OR2A42: variants seen among roughly 807,000 people sequenced by gnomAD.
The protein encoded by OR2A42 is olfactory receptor family 2 subfamily A member 42, also known as olfactory receptor 2A1/2A42.
For synonymous variants in OR2A42, 5 were observed against 46.4 expected (o/e 0.11, Z 3.63); for missense variants, 3 against 104.1 (o/e 0.03, Z 4.23).
intron 2 of OR2A42, among the ~76,000 whole-genome samples, chr7:144,237,477 T>C (rs111589800): frequency 6.7e-6 from 1 of 148,492 alleles, no homozygotes. Flanking sequence ...GTAGTGTCTT[T>C]CAAGTATACC....
At position 144,228,250 on chromosome 7, in the gene OR2A42, G is replaced by C. The variant is rs1242074292; in HGVS notation, c.*3661C>G. On this transcript the variant is annotated 3_prime_UTR_variant, in exon 3 of 3. Transcript: ENST00000641810. ...CCACTCATTTGTTCATTTAGTCAAA[G>C]TTTATTGAGTGTCTACTATGAACAG... is the stretch of plus-strand genomic sequence containing the variant. The C allele has an allele frequency of 7.3e-6, 1 of 137,122 alleles. No individual in the cohort carries two copies. The highest frequency in any genetic ancestry group is 1.6e-5 in the Non-Finnish European group (1 of 62,914). 8.5% of individuals were successfully genotyped at this position (137,122 alleles called of 1,614,324 possible). A position where few individuals can be genotyped will look rare whatever the true frequency, so the allele number is the denominator to read the frequency against.
rs1474222655 is a variant in OR2A42, at chr7:144,238,671, T to A, written c.-244A>T. 6.6e-6 allele frequency: 1 copy of A among 151,002 alleles called. No homozygotes were observed. The highest frequency in any genetic ancestry group is 1.5e-5 in the Non-Finnish European group (1 of 67,482). The allele number at this position is 151,002 out of a possible 1,614,324, so 9.4% of individuals were successfully genotyped here. A position where few individuals can be genotyped will look rare whatever the true frequency, so the allele number is the denominator to read the frequency against. The stretch of plus-strand genomic sequence containing the variant: ...CAGAAAAGGAGGTGTTATTCTCTGA[T>A]GTGCTCAGCCTGGTTGACAGCTGAG... On this transcript the variant is annotated 5_prime_UTR_variant, in exon 2 of 3. Coordinates refer to ENST00000641810, the MANE Select transcript of OR2A42 (RefSeq NM_001001802.3).
Position 144,230,145 on chromosome 7 carries a change from GT to G in OR2A42, c.*1765del, listed in dbSNP as rs1379339785. The G allele has an allele frequency of 3.9e-5, 5 of 127,232 alleles. No homozygotes were observed. Among genetic ancestry groups the G allele is most frequent in the East Asian group, 4.0e-4 (2 of 4,966 alleles). 7.9% of individuals were successfully genotyped at this position (127,232 alleles called of 1,614,324 possible). A position where few individuals can be genotyped will look rare whatever the true frequency, so the allele number is the denominator to read the frequency against. On this transcript the variant is annotated 3_prime_UTR_variant, in exon 3 of 3. Coordinates refer to ENST00000641810, the MANE Select transcript of OR2A42 (RefSeq NM_001001802.3). ...GTATAAAAAAAGCTGTTTTTTGTTT[GT>G]TTGTTTGTTTGTTTGTTTGTTTTTC...
rs1216900314 is a variant in OR2A42 at position 144,229,316 on chromosome 7, TGAA to T, written c.*2592_*2594del. 1 of 132,638 alleles carries T rather than the reference TGAA, an allele frequency of 7.5e-6. No homozygotes were observed. The highest frequency in any genetic ancestry group is 1.6e-5 in the Non-Finnish European group (1 of 61,008). The allele number at this position is 132,638 out of a possible 1,614,324, so 8.2% of individuals were successfully genotyped here. The stretch of plus-strand genomic sequence containing the variant: ...AGCTTCCATATGCATAATTTTCAGA[TGAA>T]GGACTGAAGCTTAAGCAGTTTAAGG... On this transcript the variant is annotated 3_prime_UTR_variant, in exon 3 of 3. Transcript: ENST00000641810.
chr7:144,230,166 T>C lies in OR2A42; in HGVS notation c.*1745A>G, dbSNP rs2052354675. The C allele has an allele frequency of 7.5e-6, 1 of 133,150 alleles. No homozygotes were observed. Among genetic ancestry groups the C allele is most frequent in the Non-Finnish European group, 1.6e-5 (1 of 61,934 alleles). 8.2% of individuals were successfully genotyped at this position (133,150 alleles called of 1,614,324 possible). A position where few individuals can be genotyped will look rare whatever the true frequency, so the allele number is the denominator to read the frequency against. ...GTTTGTTTGTTTGTTTGTTTGTTTG[T>C]TTTTCCCCCAGCTTTAAGTACTTTT... On this transcript the variant is annotated 3_prime_UTR_variant, in exon 3 of 3. Coordinates refer to ENST00000641810, the MANE Select transcript of OR2A42 (RefSeq NM_001001802.3).
Position 144,230,564 on chromosome 7 carries a change from T to A in OR2A42, c.*1347A>T, listed in dbSNP as rs1261954551. The A allele has an allele frequency of 2.0e-5, 3 of 151,220 alleles. No homozygotes were observed. Among genetic ancestry groups the A allele is most frequent in the Admixed American group, 1.3e-4 (2 of 15,170 alleles). 9.4% of individuals were successfully genotyped at this position (151,220 alleles called of 1,614,324 possible). On this transcript the variant is annotated 3_prime_UTR_variant, in exon 3 of 3. Transcript: ENST00000641810. ...GCGCGCACGCATGTACGTGAGCATG[T>A]GAGTGTTGTACGTGAACTAGAGATG...
chr7:144,237,561 CA>C (rs1439986964), intron 2 of OR2A42, among the ~76,000 whole-genome samples: 10 of 132,186 alleles, frequency 7.6e-5, no homozygotes, highest in African/African-American at 3.1e-4. Context: ...AACAAACAAA[CA>C]AACAACAACA....
chr7:144,237,583 CA>C (rs2052447399), intron 2 of OR2A42, among the ~76,000 whole-genome samples: 1 of 100,674 alleles, frequency 9.9e-6, no homozygotes, highest in Admixed American at 9.0e-5. Flanking sequence ...AAAAAAAAAC[CA>C]AAAAATGATA....
intron 2 of OR2A42, among the ~76,000 whole-genome samples, chr7:144,235,713 T>C (rs1281990276): frequency 1.3e-5 from 2 of 152,118 alleles, no homozygotes; most frequent in African/African-American, 4.8e-5. Context: ...TTCTACATGA[T>C]ACAAAGAACA....
intron 2 of OR2A42, among the ~76,000 whole-genome samples, chr7:144,237,688 A>G (rs539575802): frequency 2.1e-4 from 32 of 150,524 alleles, no homozygotes; most frequent in African/African-American, 6.8e-4. Context: ...GGAATATGGT[A>G]GGTGTTCAAT....
rs1336174952 is a variant in OR2A42 at position 144,229,043 on chromosome 7, C to T, written c.*2868G>A. On this transcript the variant is annotated 3_prime_UTR_variant, in exon 3 of 3. Transcript: ENST00000641810. ...TGGCCTCCTGTGCCTCTAGGGGGGA[C>T]ATGGGGAAGCCATGAGGGCAAAGGC... The T allele has an allele frequency of 7.2e-5, 11 of 152,656 alleles. No homozygotes were observed. The highest frequency in any genetic ancestry group is 2.7e-4 in the African/African-American group (11 of 41,414). The allele number at this position is 152,656 out of a possible 1,614,324, so 9.5% of individuals were successfully genotyped here.
rs2052350214 is a variant in OR2A42 at position 144,229,910 on chromosome 7, A to T, written c.*2001T>A. ...ATCCTCTTGCCTCAGCCTCCCGAAT[A>T]GCTGGGGATGTAGGCACACGTTGCC... On this transcript the variant is annotated 3_prime_UTR_variant, in exon 3 of 3. Transcript: ENST00000641810. 2 of 151,882 alleles carry T rather than the reference A, an allele frequency of 1.3e-5. No homozygotes were observed. Among genetic ancestry groups the T allele is most frequent in the African/African-American group, 4.8e-5 (2 of 41,426 alleles). 9.4% of individuals were successfully genotyped at this position (151,882 alleles called of 1,614,324 possible). A position where few individuals can be genotyped will look rare whatever the true frequency, so the allele number is the denominator to read the frequency against.
At chr7:144,233,150 G>A (rs1203583560) in intron 2 of OR2A42, among the ~76,000 whole-genome samples, 2 of 144,588 alleles carry the variant, frequency 1.4e-5, no homozygotes, top group African/African-American at 5.0e-5. Context: ...GAGAATTCCT[G>A]AAGTGTAGAA....
Position 144,230,292 on chromosome 7 carries a change from A to G in OR2A42, c.*1619T>C, listed in dbSNP as rs2052356429. The G allele has an allele frequency of 4.2e-5, 5 of 119,366 alleles. No homozygotes were observed. The Admixed American group carries it at 4.4e-4, about 11-fold the overall frequency. The allele number at this position is 119,366 out of a possible 1,614,324, so 7.4% of individuals were successfully genotyped here. A position where few individuals can be genotyped will look rare whatever the true frequency, so the allele number is the denominator to read the frequency against. ...AAATTTCATGATCTCTTTGATTTTT[A>G]TATAATGGTTACGATTATGGGTTCA... On this transcript the variant is annotated 3_prime_UTR_variant, in exon 3 of 3. Transcript: ENST00000641810.
intron 2 of OR2A42, among the ~76,000 whole-genome samples, chr7:144,236,693 CT>C (rs560123166): frequency 1.3e-4 from 9 of 68,968 alleles, no homozygotes; most frequent in East Asian, 3.9e-4. Flanking sequence ...ACTCCTTTGT[CT>C]TTTTTTTTTT....
At chr7:144,234,976 GT>G (rs2052407584) in intron 2 of OR2A42, among the ~76,000 whole-genome samples, 1 of 145,424 alleles carries the variant, frequency 6.9e-6, no homozygotes. Context: ...TTTTGAGACG[GT>G]TTCCCTGTGA....
Position 144,230,714 on chromosome 7 carries a change from C to T in OR2A42, c.*1197G>A, listed in dbSNP as rs2052364693. ...GTGTTCCTCTGAATCTCTTAACCTC[C>T]TTTGCAGCCATGCCCACAGGACTCG... On this transcript the variant is annotated 3_prime_UTR_variant, in exon 3 of 3. Coordinates refer to ENST00000641810, the MANE Select transcript of OR2A42 (RefSeq NM_001001802.3). 1 of 111,894 alleles carries T rather than the reference C, an allele frequency of 8.9e-6. No individual in the cohort carries two copies. The highest frequency in any genetic ancestry group is 3.5e-5 in the African/African-American group (1 of 28,622). 6.9% of individuals were successfully genotyped at this position (111,894 alleles called of 1,614,324 possible). A position where few individuals can be genotyped will look rare whatever the true frequency, so the allele number is the denominator to read the frequency against.
chr7:144,230,258 C>A lies in OR2A42; in HGVS notation c.*1653G>T, dbSNP rs1364662735. 7.5e-5 allele frequency: 9 copies of A among 120,284 alleles called. No individual in the cohort carries two copies. In the East Asian group the frequency reaches 1.7e-3, roughly 22 times the overall value. The allele number at this position is 120,284 out of a possible 1,614,324, so 7.5% of individuals were successfully genotyped here. A position where few individuals can be genotyped will look rare whatever the true frequency, so the allele number is the denominator to read the frequency against. ...ATTGCTTTTCATCTCTCCTCCTCTT[C>A]ATCTTTGGAAATTTCATGATCTCTT... is the stretch of plus-strand genomic sequence containing the variant. On this transcript the variant is annotated 3_prime_UTR_variant, in exon 3 of 3. Transcript: ENST00000641810.
At chr7:144,237,588 AATG>A (rs2052447481) in intron 2 of OR2A42, among the ~76,000 whole-genome samples, 1 of 150,816 alleles carries the variant, frequency 6.6e-6, no homozygotes, top group African/African-American at 2.4e-5. Context: ...AAAACCAAAA[AATG>A]ATATTTAGGC....
Sources: gnomAD v4.1 joint callset for allele counts (sites outside exome capture counted in the v4.1 genomes callset) on GRCh38, gnomAD v4.1.1 for gene constraint, MANE v1.5 for transcripts, NCBI Gene and HGNC (gene_info 2026-07-23, HGNC 2026-07-21) for gene names.